The following THSD1 variants were observed in gnomAD, a reference collection of about 807,000 sequenced individuals.
THSD1 encodes thrombospondin type 1 domain containing 1.
Under a neutral mutation model 46.3 loss-of-function variants are expected in THSD1, and 34 were observed. That is an observed-to-expected ratio of 0.74 (90% confidence interval 0.56 to 0.98). The LOEUF is 0.98. Among genes scored for constraint, THSD1 ranks in the 50% least tolerant of loss-of-function variants. THSD1 has a pLI of 0.00. For synonymous variants in THSD1, 407 were observed against 416.5 expected, an observed-to-expected ratio of 0.98 and a Z score of 0.28; for missense variants, 1,023 against 1,058.3, an observed-to-expected ratio of 0.97 and a Z score of 0.46.
intron 3 of THSD1, among the ~76,000 whole-genome samples, chr13:52,391,170 G>C (rs1957770307): frequency 6.6e-6 from 1 of 152,082 alleles, no homozygotes; most frequent in African/African-American, 2.4e-5. Context: ...GGCAGGATCT[G>C]ATAGATCTTG....
chr13:52,398,176 T>C lies in THSD1; in HGVS notation c.77A>G (p.Tyr26Cys). 2 of 1,612,492 alleles carry C rather than the reference T, an allele frequency of 1.2e-6. No individual in the cohort carries two copies. The highest frequency in any genetic ancestry group is 1.7e-6 in the Non-Finnish European group (2 of 1,178,802). Residue 26 changes from tyrosine (Y) to cysteine (C), a missense_variant, in exon 3 of 5, where the codon TAT becomes TGT. Coordinates refer to ENST00000258613, the MANE Select transcript of THSD1 (RefSeq NM_018676.4). Reference protein sequence around the residue: ...LCDYVLGEAEYLLLREPGHVA... With the variant: ...LCDYVLGEAECLLLREPGHVA... ...ATGGCCTGGCTCTCTCAAGAGAAGATATTCAGCTTCTCCAAGAACTGAAAT... is the reference window on the plus strand; with the variant it reads ...ATGGCCTGGCTCTCTCAAGAGAAGACATTCAGCTTCTCCAAGAACTGAAAT...
In THSD1 at chr13:52,404,343, T is replaced by C. The variant is rs117992083; in HGVS notation, c.-81-1662A>G. ...AAATTAGTGGAATTAAGAAGACTGA[T>C]TGAAATAAGCCAGAATTCAATGGAA... is the stretch of plus-strand genomic sequence containing the variant. On this transcript the variant is annotated intron_variant, in intron 1 of 4. Transcript: ENST00000258613. Among the ~76,000 whole-genome samples the C allele has an allele frequency of 2.6e-5, 4 of 152,286 alleles. No individual in the cohort carries two copies. The East Asian group carries it at 7.7e-4, about 29-fold the overall frequency.
intron 2 of THSD1, among the ~76,000 whole-genome samples, chr13:52,399,523 T>TA (rs1270107934): frequency 6.6e-6 from 1 of 152,156 alleles, no homozygotes; most frequent in Non-Finnish European, 1.5e-5. Context: ...AATACCCTTA[T>TA]ATATATGCAA....
rs559284290 is a variant in THSD1 at position 52,378,248 on chromosome 13, C to T, written c.1722G>A (p.Leu574=). ...IDAAPSAPLD[L]ESPEEAAANK... ...TTGCTGCAGCTTCTTCCGGGCTTTC[C>T]AAATCTAAGGGAGCGCTGGGGGCCG... Residue 574 remains leucine, a synonymous_variant, in exon 5 of 5, where the codon TTG becomes TTA. Coordinates refer to ENST00000258613, the MANE Select transcript of THSD1 (RefSeq NM_018676.4). The T allele has an allele frequency of 7.4e-6, 12 of 1,614,196 alleles. No individual in the cohort carries two copies. Among genetic ancestry groups the T allele is most frequent in the Admixed American group, 5.0e-5 (3 of 60,016 alleles).
chr13:52,393,573 G>A (rs938448680), intron 3 of THSD1, among the ~76,000 whole-genome samples: 3 of 152,126 alleles, frequency 2.0e-5, no homozygotes, highest in Non-Finnish European at 4.4e-5. Flanking sequence ...CAGGAGAATT[G>A]CTAGAACCCG....
intron 4 of THSD1, among the ~76,000 whole-genome samples, chr13:52,383,202 C>T (rs770920271): frequency 3.9e-5 from 6 of 152,086 alleles, no homozygotes; most frequent in Non-Finnish European, 7.4e-5. Flanking sequence ...AATACATTCC[C>T]GACCACAGTC....
chr13:52,404,115 T>C (rs1342991485), intron 1 of THSD1, among the ~76,000 whole-genome samples: 1 of 151,814 alleles, frequency 6.6e-6, no homozygotes, highest in Non-Finnish European at 1.5e-5. Flanking sequence ...GCTTGGCTAA[T>C]TTTTGTATTT....
At position 52,377,274 on chromosome 13, in the gene THSD1, C is replaced by A; in HGVS notation, c.*137G>T. ...ATAATTTCTTCCTTGTGAATTCAAA[C>A]ACATGCATACACACACATCCTCCTC... On this transcript the variant is annotated 3_prime_UTR_variant, in exon 5 of 5. Transcript: ENST00000258613. 1 of 1,318,328 alleles carries A rather than the reference C, an allele frequency of 7.6e-7. No individual in the cohort carries two copies. The highest frequency in any genetic ancestry group is 9.7e-7 in the Non-Finnish European group (1 of 1,028,780). 81.7% of individuals were successfully genotyped at this position (1,318,328 alleles called of 1,614,324 possible). A position where few individuals can be genotyped will look rare whatever the true frequency, so the allele number is the denominator to read the frequency against.
At chr13:52,390,718 T>A (rs1957767006) in intron 3 of THSD1, among the ~76,000 whole-genome samples, 1 of 152,210 alleles carries the variant, frequency 6.6e-6, no homozygotes, top group Non-Finnish European at 1.5e-5. Flanking sequence ...CTGTAAAATC[T>A]GAATTAAAAA....
intron 3 of THSD1, 67 bp from the exon 4 acceptor site, chr13:52,386,253 A>C: frequency 6.7e-7 from 1 of 1,502,810 alleles, no homozygotes; most frequent in Non-Finnish European, 9.1e-7. Context: ...CTGCACCCAA[A>C]TGAAACAGCA....
chr13:52,403,931 T>A (rs1479132311), intron 1 of THSD1, among the ~76,000 whole-genome samples: 1 of 149,058 alleles, frequency 6.7e-6, no homozygotes, highest in East Asian at 2.0e-4. Flanking sequence ...TCCCCCCCAT[T>A]ATTCACATTT....
In THSD1 at chr13:52,397,561, G is replaced by A. The variant is rs747567325; in HGVS notation, c.692C>T (p.Thr231Ile). Residue 231 changes from threonine (T) to isoleucine (I), a missense_variant, in exon 3 of 5, where the codon ACA (threonine) becomes ATA (isoleucine). Physicochemically the swap from Thr to Ile is moderately conservative, Grantham distance 89 (BLOSUM62 -1). This residue lies in a region of THSD1 where 429 missense variants were observed against 518.3 expected (regional missense o/e 0.83). Transcript: ENST00000258613. ...TTTCTGGGCCAGGTCAATGGGTCCT[G>A]TGGAGGTAATGACTGAGTCTCGCCC... Reference protein sequence around the residue: ...LLGRDSVITSTGPIDLAQKFG... With the variant: ...LLGRDSVITSIGPIDLAQKFG... 1.2e-6 allele frequency: 2 copies of A among 1,614,086 alleles called. No homozygotes were observed. Among genetic ancestry groups the A allele is most frequent in the African/African-American group, 2.7e-5 (2 of 74,928 alleles).
At chr13:52,384,434 G>A (rs1219433701) in intron 4 of THSD1, 8 of 455,708 alleles carry the variant, frequency 1.8e-5, no homozygotes, top group South Asian at 1.2e-4. Flanking sequence ...TCTGCAATGT[G>A]GAAATAAGAA....
chr13:52,399,004 T>C (rs1358378129), intron 2 of THSD1, among the ~76,000 whole-genome samples: 2 of 152,180 alleles, frequency 1.3e-5, no homozygotes, highest in African/African-American at 4.8e-5. Context: ...GTGTCCTCAG[T>C]TTGTATGAGG....
At chr13:52,382,653 C>T (rs1023509315) in intron 4 of THSD1, among the ~76,000 whole-genome samples, 1 of 152,156 alleles carries the variant, frequency 6.6e-6, no homozygotes, top group Non-Finnish European at 1.5e-5. Flanking sequence ...CTAAAACTCC[C>T]ATTTTCACCT....
chr13:52,400,689 A>G (rs1957849740), intron 2 of THSD1, among the ~76,000 whole-genome samples: 1 of 152,198 alleles, frequency 6.6e-6, no homozygotes, highest in African/African-American at 2.4e-5. Context: ...CTAAATTTTG[A>G]TCAGTATTAA....
chr13:52,392,524 A>T (rs1056617891), intron 3 of THSD1, among the ~76,000 whole-genome samples: 2 of 152,236 alleles, frequency 1.3e-5, no homozygotes, highest in African/African-American at 4.8e-5. Context: ...ACGAATGAAA[A>T]GCTGTTTTGT....
At chr13:52,384,549 G>C (rs183944885) in intron 4 of THSD1, 1 of 342,652 alleles carries the variant, frequency 2.9e-6, no homozygotes, top group African/African-American at 2.1e-5. Context: ...GTGGAATTAC[G>C]GTGAGCCTTA....
chr13:52,403,588 TCTC>T (rs998504640), intron 1 of THSD1, among the ~76,000 whole-genome samples: 5 of 152,178 alleles, frequency 3.3e-5, no homozygotes, highest in African/African-American at 9.7e-5. Flanking sequence ...TTCACGCCAT[TCTC>T]CTGCCTCAGC....
Sources: allele counts gnomAD v4.1 joint callset (sites outside exome capture counted in the v4.1 genomes callset), GRCh38; gene constraint gnomAD v4.1.1; regional missense constraint gnomAD v4.1.1; transcripts MANE v1.5; gene names NCBI Gene and HGNC (gene_info 2026-07-23, HGNC 2026-07-21).